Variants in CAMK2D observed in about 807,000 individuals in gnomAD.
CAMK2D encodes the protein calcium/calmodulin-dependent protein kinase type II subunit delta.
A neutral mutation model predicts 84.0 loss-of-function variants in CAMK2D; 37 were observed. The ratio of observed to expected loss-of-function variants is 0.44; its 90% confidence interval spans 0.34 to 0.58. The LOEUF (loss-of-function observed/expected upper bound fraction) is 0.58, where lower values mean the gene tolerates loss of function less well. CAMK2D is among the 20% of genes least tolerant of loss of function. CAMK2D has a pLI of 0.02. For missense variants in CAMK2D, 448 were observed against 652.5 expected, an observed-to-expected ratio of 0.69 and a Z score of 3.41; for synonymous variants, 202 against 212.5, an observed-to-expected ratio of 0.95 and a Z score of 0.43.
chr4:113,743,046 A>G (rs778603728), intron 2 of CAMK2D, among the ~76,000 whole-genome samples: 1 of 152,230 alleles, frequency 6.6e-6, no homozygotes, highest in Non-Finnish European at 1.5e-5. Context: ...ACTTTCAAGT[A>G]GAAAAAGAAA....
rs58389461 is a variant in CAMK2D, at chr4:113,494,720, C to T, written c.1135+5743G>A. Among the ~76,000 whole-genome samples the T allele has an allele frequency of 6.7e-3, 1,018 of 152,064 alleles. 11 individuals carry two copies. The highest frequency in any genetic ancestry group is 0.023 in the African/African-American group (961 of 41,372). On this transcript the variant is annotated intron_variant, in intron 16 of 20. Transcript: ENST00000511664. ...TTACCTAAGGAAGCCTGGGCAATGGCGGGCGCCCCTCCCCCAGCCTCGCTG... is the reference window on the plus strand; with the variant it reads ...TTACCTAAGGAAGCCTGGGCAATGGTGGGCGCCCCTCCCCCAGCCTCGCTG...
At chr4:113,557,033 A>C (rs1009510013) in intron 4 of CAMK2D, among the ~76,000 whole-genome samples, 1 of 152,150 alleles carries the variant, frequency 6.6e-6, no homozygotes, top group Non-Finnish European at 1.5e-5. Context: ...AAGAGGCCCA[A>C]CCACTTTTTC....
At chr4:113,611,393 AC>A (rs2098999711) in intron 3 of CAMK2D, among the ~76,000 whole-genome samples, 1 of 152,140 alleles carries the variant, frequency 6.6e-6, no homozygotes, top group Non-Finnish European at 1.5e-5. Flanking sequence ...TTCTTAAAGA[AC>A]TCATAACAAT....
intron 4 of CAMK2D, among the ~76,000 whole-genome samples, chr4:113,557,565 T>C (rs562089977): frequency 6.6e-6 from 1 of 152,306 alleles, no homozygotes; most frequent in Non-Finnish European, 1.5e-5. Flanking sequence ...GAGGTGACAG[T>C]CATTTATAGC....
At chr4:113,477,347 T>A (rs572711125) in intron 16 of CAMK2D, among the ~76,000 whole-genome samples, 1 of 152,342 alleles carries the variant, frequency 6.6e-6, no homozygotes, top group African/African-American at 2.4e-5. Flanking sequence ...ACATGCTTTT[T>A]AATAAAGGAT....
rs2098252149 is a variant in CAMK2D, at chr4:113,514,005, T to C, written c.820-92A>G. ...CCTGACTTCATCAAATATTTATTAA[T>C]GGTGCTGCACCTGCAGGATCAACTT... On this transcript the variant is annotated intron_variant, in intron 10 of 20. Coordinates refer to ENST00000511664, the MANE Select transcript of CAMK2D (RefSeq NM_001321571.2). 18 of 614,526 alleles carry C rather than the reference T, an allele frequency of 2.9e-5. No homozygotes were observed. The South Asian group carries it at 3.6e-4, about 12-fold the overall frequency. The allele number at this position is 614,526 out of a possible 1,614,324, so 38.1% of individuals were successfully genotyped here.
chr4:113,688,432 C>T (rs1489106188), intron 2 of CAMK2D, among the ~76,000 whole-genome samples: 1 of 152,184 alleles, frequency 6.6e-6, no homozygotes, highest in Non-Finnish European at 1.5e-5. Context: ...ATGTACTTGA[C>T]ATTAAAAATG....
chr4:113,643,843 T>C (rs879915080), intron 3 of CAMK2D, among the ~76,000 whole-genome samples: 2 of 152,200 alleles, frequency 1.3e-5, no homozygotes, highest in African/African-American at 4.8e-5. Flanking sequence ...ATCAGACTAC[T>C]CCTCAGTGTC....
Position 113,543,295 on chromosome 4 carries a change from T to C in CAMK2D, c.414+4349A>G, listed in dbSNP as rs78423180. Among the ~76,000 whole-genome samples the C allele has an allele frequency of 5.4e-3, 823 of 152,274 alleles. 11 individuals carry two copies. The highest frequency in any genetic ancestry group is 0.019 in the African/African-American group (782 of 41,552). ...ACTGCAACCTCACTTTGACCTAATA[T>C]TTTTCTGAATGCAGTACTTGTCTGA... On this transcript the variant is annotated intron_variant, in intron 6 of 20. Coordinates refer to ENST00000511664, the MANE Select transcript of CAMK2D (RefSeq NM_001321571.2).
At chr4:113,468,102 C>G (rs1358456364) in intron 16 of CAMK2D, among the ~76,000 whole-genome samples, 4 of 152,078 alleles carry the variant, frequency 2.6e-5, no homozygotes, top group African/African-American at 9.7e-5. Context: ...GGATCACTTC[C>G]TAAAGTTTCT....
intron 16 of CAMK2D, among the ~76,000 whole-genome samples, chr4:113,480,591 A>G (rs1434781016): frequency 6.6e-6 from 1 of 151,944 alleles, no homozygotes; most frequent in Non-Finnish European, 1.5e-5. Flanking sequence ...CTGTAATCCC[A>G]GCACTTTGGG....
At chr4:113,585,682 T>C (rs368241132) in intron 4 of CAMK2D, among the ~76,000 whole-genome samples, 3 of 137,886 alleles carry the variant, frequency 2.2e-5, no homozygotes, top group African/African-American at 8.0e-5. Flanking sequence ...AGTATATATA[T>C]AGTATAGGTT....
At chr4:113,649,675 T>C (rs370139825) in intron 3 of CAMK2D, among the ~76,000 whole-genome samples, 1 of 152,254 alleles carries the variant, frequency 6.6e-6, no homozygotes, top group African/African-American at 2.4e-5. Flanking sequence ...TCCTTTAAAA[T>C]TGTGAACTCT....
chr4:113,709,746 G>GAGATATATATATATATATAT (rs1554070631), intron 2 of CAMK2D, among the ~76,000 whole-genome samples: 21 of 49,818 alleles, frequency 4.2e-4, no homozygotes, highest in Non-Finnish European at 5.5e-4. Context: ...AGCCGTGAAC[G>GAGATATATATATATATATAT]ATATATATAT....
rs115629001 is a variant in CAMK2D at position 113,740,832 on chromosome 4, G to C, written c.160+18488C>G. The stretch of plus-strand genomic sequence containing the variant: ...AGACTGCAAGAGTCTCCTAACTATA[G>C]TAGTCTCCTCTTAATTCAGTTTTGC... On this transcript the variant is annotated intron_variant, in intron 2 of 20. Transcript: ENST00000511664. Among the ~76,000 whole-genome samples the C allele has an allele frequency of 5.6e-3, 849 of 152,186 alleles. 13 individuals are homozygous for C. The highest frequency in any genetic ancestry group is 0.02 in the Middle Eastern group (6 of 294).
chr4:113,614,036 C>A (rs1692237051), intron 3 of CAMK2D, among the ~76,000 whole-genome samples: 1 of 151,998 alleles, frequency 6.6e-6, no homozygotes, highest in South Asian at 2.1e-4. Context: ...GTTAGAAACA[C>A]TTCTGTCAAA....
At position 113,625,890 on chromosome 4, in the gene CAMK2D, T is replaced by C. The variant is rs371934138; in HGVS notation, c.221-16684A>G. 5.3e-5 allele frequency among the ~76,000 whole-genome samples: 8 copies of C among 151,978 alleles called. No individual in the cohort carries two copies. In the East Asian group the frequency reaches 1.2e-3, roughly 22 times the overall value. On this transcript the variant is annotated intron_variant, in intron 3 of 20. Coordinates refer to ENST00000511664, the MANE Select transcript of CAMK2D (RefSeq NM_001321571.2). ...AACATGCATGTAAAAAGTCAGGTGA[T>C]GTAATCCCAGCCACTCTAGAGGCTA...
At chr4:113,510,994 A>C (rs2098204916) in intron 12 of CAMK2D, among the ~76,000 whole-genome samples, 1 of 152,154 alleles carries the variant, frequency 6.6e-6, no homozygotes. Flanking sequence ...AAGCAAACTC[A>C]GAATAATTGA....
At chr4:113,572,655 G>A (rs181946887) in intron 4 of CAMK2D, among the ~76,000 whole-genome samples, 48 of 152,302 alleles carry the variant, frequency 3.2e-4, no homozygotes, top group African/African-American at 1.0e-3. Context: ...AGATTGGGGA[G>A]AAAGAGAAAC....
Sources: allele counts gnomAD v4.1 joint callset (sites outside exome capture counted in the v4.1 genomes callset), GRCh38; gene constraint gnomAD v4.1.1; transcripts MANE v1.5; gene names NCBI Gene and HGNC (gene_info 2026-07-23, HGNC 2026-07-21).